GALNT10: variants seen among roughly 807,000 people sequenced by gnomAD.
GALNT10 encodes polypeptide N-acetylgalactosaminyltransferase 10.
In GALNT10, 41 loss-of-function variants were observed where a neutral mutation model predicts 75.0. The observed-to-expected ratio is 0.55, with a 90% confidence interval of 0.43 to 0.71. GALNT10 has a LOEUF of 0.71. GALNT10 is among the 30% of genes least tolerant of loss of function. The pLI, the probability that GALNT10 is intolerant of heterozygous loss-of-function variation, is 0.00. For synonymous variants in GALNT10, 302 were observed against 313.0 expected, an observed-to-expected ratio of 0.96 and a Z score of 0.37; for missense variants, 727 against 818.5, an observed-to-expected ratio of 0.89 and a Z score of 1.36.
At chr5:154,214,574 T>C (rs1421358123) in intron 1 of GALNT10, among the ~76,000 whole-genome samples, 1 of 152,228 alleles carries the variant, frequency 6.6e-6, no homozygotes, top group Admixed American at 6.5e-5. Context: ...CTTTTCAAAA[T>C]TGGTTCAGAT....
At chr5:154,365,201 G>T (rs569788816) in intron 4 of GALNT10, among the ~76,000 whole-genome samples, 5 of 152,278 alleles carry the variant, frequency 3.3e-5, no homozygotes, top group East Asian at 1.9e-4. Flanking sequence ...TGGTGGATGT[G>T]ACTGCTTGAA....
At chr5:154,319,428 T>TA (rs570811978) in intron 3 of GALNT10, among the ~76,000 whole-genome samples, 13 of 152,342 alleles carry the variant, frequency 8.5e-5, no homozygotes, top group South Asian at 2.1e-4. Context: ...TTGAAATTTT[T>TA]AAAAAATATT....
At chr5:154,288,487 A>G (rs1049356696) in intron 1 of GALNT10, among the ~76,000 whole-genome samples, 2 of 152,038 alleles carry the variant, frequency 1.3e-5, no homozygotes, top group Admixed American at 6.5e-5. Context: ...AAGTAAAAGC[A>G]TGCAGATACC....
rs1296849942 is a variant in GALNT10 at position 154,419,140 on chromosome 5, A to G, written c.*2168A>G. The G allele has an allele frequency of 1.3e-5, 2 of 151,340 alleles. No homozygotes were observed. Among genetic ancestry groups the G allele is most frequent in the African/African-American group, 4.9e-5 (2 of 41,022 alleles). 9.4% of individuals were successfully genotyped at this position (151,340 alleles called of 1,614,324 possible). ...CTACTGGATGAGTGTGTGTTTCTTA[A>G]TGTCTCATTTCAAGCAGGAGATGTT... On this transcript the variant is annotated 3_prime_UTR_variant, in exon 12 of 12. Coordinates refer to ENST00000297107, the MANE Select transcript of GALNT10 (RefSeq NM_198321.4).
chr5:154,210,608 G>C (rs1775181698), intron 1 of GALNT10, among the ~76,000 whole-genome samples: 1 of 152,222 alleles, frequency 6.6e-6, no homozygotes, highest in African/African-American at 2.4e-5. Flanking sequence ...TAAACTGTAA[G>C]TGTTATAGGA....
At chr5:154,324,968 A>AG in intron 3 of GALNT10, among the ~76,000 whole-genome samples, 1 of 151,880 alleles carries the variant, frequency 6.6e-6, no homozygotes, top group South Asian at 2.1e-4. Flanking sequence ...TCCTAGAAGG[A>AG]GGGAAAAAAC....
At chr5:154,244,966 T>G (rs546699551) in intron 1 of GALNT10, among the ~76,000 whole-genome samples, 1 of 152,046 alleles carries the variant, frequency 6.6e-6, no homozygotes, top group South Asian at 2.1e-4. Flanking sequence ...AGATTGGGGG[T>G]GCTGATCACC....
chr5:154,383,273 C>A (rs1461199640), intron 6 of GALNT10, among the ~76,000 whole-genome samples: 3 of 152,112 alleles, frequency 2.0e-5, no homozygotes. Flanking sequence ...GAGTGCCCAG[C>A]AAGTGGGCAA....
intron 4 of GALNT10, among the ~76,000 whole-genome samples, chr5:154,348,892 C>T (rs1052932895): frequency 2.0e-5 from 3 of 152,098 alleles, no homozygotes; most frequent in African/African-American, 7.2e-5. Flanking sequence ...ATGTTTACTT[C>T]TTGTCACCTC....
chr5:154,396,099 C>G (rs1756014063), intron 7 of GALNT10, among the ~76,000 whole-genome samples: 1 of 152,206 alleles, frequency 6.6e-6, no homozygotes, highest in African/African-American at 2.4e-5. Flanking sequence ...CTTCACCCGG[C>G]TTTCAAGGCT....
intron 1 of GALNT10, among the ~76,000 whole-genome samples, chr5:154,199,267 T>TAA (rs1305689016): frequency 6.6e-6 from 1 of 152,160 alleles, no homozygotes; most frequent in Admixed American, 6.5e-5. Context: ...AAGGATCACA[T>TAA]ATTTAACAAA....
intron 6 of GALNT10, among the ~76,000 whole-genome samples, chr5:154,382,333 C>T (rs1450012240): frequency 1.3e-5 from 2 of 152,242 alleles, no homozygotes; most frequent in Non-Finnish European, 2.9e-5. Context: ...GTGGTCTTCT[C>T]TTGGCCTCTT....
chr5:154,295,364 A>G (rs1204569289), intron 2 of GALNT10, among the ~76,000 whole-genome samples: 1 of 152,178 alleles, frequency 6.6e-6, no homozygotes, highest in Non-Finnish European at 1.5e-5. Context: ...GAAACCTCAG[A>G]TCAACCTTTA....
At chr5:154,239,428 G>A (rs368076439) in intron 1 of GALNT10, among the ~76,000 whole-genome samples, 2 of 152,184 alleles carry the variant, frequency 1.3e-5, no homozygotes, top group South Asian at 2.1e-4. Flanking sequence ...GCTGAGCTCC[G>A]CCTCCTGTCA....
intron 3 of GALNT10, among the ~76,000 whole-genome samples, chr5:154,326,214 A>G (rs1754754840): frequency 6.6e-6 from 1 of 152,220 alleles, no homozygotes; most frequent in Admixed American, 6.5e-5. Context: ...CACACTCACT[A>G]GGATAGCTAT....
chr5:154,297,790 A>G, intron 2 of GALNT10, 151 bp from the exon 3 acceptor site: 1 of 340,096 alleles, frequency 2.9e-6, no homozygotes, highest in Non-Finnish European at 5.1e-6. Context: ...CTCCCCTCCT[A>G]CTCTTTGTAC....
At chr5:154,195,979 A>G (rs572063924) in intron 1 of GALNT10, among the ~76,000 whole-genome samples, 8 of 152,122 alleles carry the variant, frequency 5.3e-5, no homozygotes, top group East Asian at 1.9e-4. Context: ...CTGGAGTGCA[A>G]TGGCGTGATC....
At chr5:154,191,446 C>G (rs1225190649) in intron 1 of GALNT10, among the ~76,000 whole-genome samples, 12 of 77,824 alleles carry the variant, frequency 1.5e-4, no homozygotes, top group East Asian at 2.7e-4. Context: ...CCCCCCCCCC[C>G]CCACAACCCC....
chr5:154,226,298 A>G (rs1220346310), intron 1 of GALNT10, among the ~76,000 whole-genome samples: 1 of 152,184 alleles, frequency 6.6e-6, no homozygotes, highest in African/African-American at 2.4e-5. Flanking sequence ...TTAATTTCCT[A>G]AGACTATAGT....
Sources: allele counts gnomAD v4.1 joint callset (sites outside exome capture counted in the v4.1 genomes callset), GRCh38; gene constraint gnomAD v4.1.1; transcripts MANE v1.5; gene names NCBI Gene and HGNC (gene_info 2026-07-23, HGNC 2026-07-21).